The following TRHDE variants were observed in gnomAD, a reference collection of about 807,000 sequenced individuals.
TRHDE encodes thyrotropin releasing hormone degrading enzyme.
In TRHDE, 72 loss-of-function variants were observed where a neutral mutation model predicts 125.7. That is an observed-to-expected ratio of 0.57 (90% confidence interval 0.47 to 0.70). The LOEUF is 0.70. TRHDE is among the 30% of genes least tolerant of loss of function. The pLI is 0.00. For synonymous variants in TRHDE, 509 were observed against 509.1 expected, an observed-to-expected ratio of 1.00 and a Z score of 0.00; for missense variants, 1,110 against 1,327.1, an observed-to-expected ratio of 0.84 and a Z score of 2.54.
chr12:72,250,698 G>A (rs1045842992), intron 2 of TRHDE, among the ~76,000 whole-genome samples: 4 of 151,846 alleles, frequency 2.6e-5, no homozygotes, highest in Middle Eastern at 3.2e-3. Context: ...CTTCAGAGTA[G>A]ATCTGAGGAT....
At chr12:72,434,382 A>C (rs568071990) in intron 3 of TRHDE, among the ~76,000 whole-genome samples, 5 of 126,300 alleles carry the variant, frequency 4.0e-5, no homozygotes, top group African/African-American at 9.8e-5. Context: ...CAGACTCTCT[A>C]TGTCTCAAAA....
intron 2 of TRHDE, among the ~76,000 whole-genome samples, chr12:72,155,064 C>A (rs1472329653): frequency 2.0e-5 from 3 of 152,206 alleles, no homozygotes; most frequent in Non-Finnish European, 4.4e-5. Context: ...TTCACATAGT[C>A]CCATATTTCT....
intron 5 of TRHDE, among the ~76,000 whole-genome samples, chr12:72,493,163 G>T (rs1276329874): frequency 6.6e-6 from 1 of 151,766 alleles, no homozygotes; most frequent in Non-Finnish European, 1.5e-5. Context: ...TGATTCCAAG[G>T]ATTAAAAAAC....
chr12:72,555,816 T>C (rs1869893988), intron 7 of TRHDE, among the ~76,000 whole-genome samples: 1 of 152,188 alleles, frequency 6.6e-6, no homozygotes, highest in Admixed American at 6.5e-5. Context: ...TTAGTCTACT[T>C]TTGTTGTTGT....
chr12:72,464,707 A>G (rs1476175222), intron 3 of TRHDE, among the ~76,000 whole-genome samples: 1 of 152,202 alleles, frequency 6.6e-6, no homozygotes, highest in Non-Finnish European at 1.5e-5. Context: ...TATAGACACT[A>G]GCCTACCATA....
intron 5 of TRHDE, among the ~76,000 whole-genome samples, chr12:72,490,756 T>TAAAAAAAAAA (rs538829137): frequency 8.6e-6 from 1 of 116,270 alleles, no homozygotes; most frequent in Non-Finnish European, 1.8e-5. Flanking sequence ...GTGGAATCTG[T>TAAAAAAAAAA]AAAAAAAAAA....
intron 2 of TRHDE, among the ~76,000 whole-genome samples, chr12:72,243,057 G>A (rs773478058): frequency 1.3e-4 from 20 of 152,160 alleles, no homozygotes; most frequent in Non-Finnish European, 2.4e-4. Context: ...ATCAAGATGT[G>A]ACATCTGGGA....
At chr12:72,216,821 T>C (rs1877902091) in intron 2 of TRHDE, among the ~76,000 whole-genome samples, 1 of 152,206 alleles carries the variant, frequency 6.6e-6, no homozygotes, top group Non-Finnish European at 1.5e-5. Context: ...GAGAATTTCC[T>C]ATTATGAATA....
At chr12:72,569,722 A>G (rs1870629653) in intron 10 of TRHDE, among the ~76,000 whole-genome samples, 1 of 152,230 alleles carries the variant, frequency 6.6e-6, no homozygotes, top group Non-Finnish European at 1.5e-5. Context: ...ACGAAAACAT[A>G]TGCTTTTATT....
rs1239100377 is a variant in TRHDE, at chr12:72,575,359, T to C, written c.2236T>C (p.Leu746=). 5 of 1,613,568 alleles carry C rather than the reference T, an allele frequency of 3.1e-6. No homozygotes were observed. The highest frequency in any genetic ancestry group is 2.2e-5 in the East Asian group (1 of 44,870). The change falls in exon 11 of 19, where the codon TTA becomes CTA. Residue 746 remains leucine, a synonymous_variant. Coordinates refer to ENST00000261180, the MANE Select transcript of TRHDE (RefSeq NM_013381.3). Reference sequence around the variant, plus strand: ...CTATGACCTAAGGAACTGGAGATTATTAATTGATCAATTAATCCGGAATCA... The same window carrying C: ...CTATGACCTAAGGAACTGGAGATTACTAATTGATCAATTAATCCGGAATCA... ...VNYDLRNWRL[L]IDQLIRNHEV... is the part of the protein sequence containing the mutation.
chr12:72,153,654 C>T (rs895603937), intron 2 of TRHDE, among the ~76,000 whole-genome samples: 5 of 152,028 alleles, frequency 3.3e-5, no homozygotes, highest in African/African-American at 1.2e-4. Context: ...TTGTTATGTT[C>T]CCAGTAGTCA....
chr12:72,130,198 G>A (rs1029529939), intron 2 of TRHDE, among the ~76,000 whole-genome samples: 14 of 152,168 alleles, frequency 9.2e-5, no homozygotes, highest in African/African-American at 3.1e-4. Context: ...TACTCGGGAG[G>A]CTGAGGCTGA....
chr12:72,461,423 A>G (rs567576918), intron 3 of TRHDE, among the ~76,000 whole-genome samples: 233 of 152,290 alleles, frequency 1.5e-3, no homozygotes, highest in African/African-American at 5.3e-3. Flanking sequence ...GGTAGTTCTC[A>G]TTTTATAAAT....
At chr12:72,473,363 A>G (rs1235049795) in intron 5 of TRHDE, among the ~76,000 whole-genome samples, 183 bp downstream of exon 5, 2 of 152,198 alleles carry the variant, frequency 1.3e-5, no homozygotes, top group Admixed American at 6.5e-5. Context: ...ATTAGGAACT[A>G]TATAATCTGA....
chr12:72,653,301 G>C, intron 17 of TRHDE, 145 bp downstream of exon 17: 1 of 502,198 alleles, frequency 2.0e-6, no homozygotes, highest in Admixed American at 4.1e-5. Context: ...CCACTCCCGT[G>C]GAACTCCAAA....
intron 15 of TRHDE, among the ~76,000 whole-genome samples, chr12:72,639,460 G>A (rs190264280): frequency 3.4e-4 from 52 of 151,164 alleles, no homozygotes; most frequent in Middle Eastern, 3.4e-3. Flanking sequence ...ATGTCCTCCC[G>A]TAGCTCGGAG....
chr12:72,187,477 CGTGGTGGTGGTGGTG>C (rs1168433112), intron 2 of TRHDE, among the ~76,000 whole-genome samples: 3 of 104,570 alleles, frequency 2.9e-5, no homozygotes, highest in South Asian at 4.5e-4. Context: ...TGGTTGTGGT[CGTGGTGGTGGTGGTG>C]GTGGTGGTGG....
intron 2 of TRHDE, among the ~76,000 whole-genome samples, chr12:72,311,516 A>T (rs1001846390): frequency 2.0e-5 from 3 of 152,182 alleles, no homozygotes; most frequent in Non-Finnish European, 2.9e-5. Flanking sequence ...AATCCAGCAA[A>T]AGGAAGAGAT....
chr12:72,135,224 T>C (rs925631670), intron 2 of TRHDE, among the ~76,000 whole-genome samples: 2 of 152,218 alleles, frequency 1.3e-5, no homozygotes, highest in African/African-American at 4.8e-5. Context: ...CAGGTCTCCA[T>C]AGCCTCTTCA....
Sources: allele counts gnomAD v4.1 joint callset (sites outside exome capture counted in the v4.1 genomes callset), GRCh38; gene constraint gnomAD v4.1.1; transcripts MANE v1.5; gene names NCBI Gene and HGNC (gene_info 2026-07-23, HGNC 2026-07-21).